HEY1: variants seen among roughly 807,000 people sequenced by gnomAD.
HEY1 encodes hes related family bHLH transcription factor with YRPW motif 1, also known as hairy/enhancer-of-split related with YRPW motif protein 1.
A neutral mutation model predicts 28.7 loss-of-function variants in HEY1; 9 were observed. The ratio of observed to expected loss-of-function variants is 0.31; its 90% CI spans 0.19 to 0.55. The LOEUF (loss-of-function observed/expected upper bound fraction) is 0.55. Ranked by LOEUF, HEY1 falls within the 20% of genes least tolerant of loss-of-function variation. The pLI is 0.93. For missense variants in HEY1, 385 were observed against 399.4 expected, an observed-to-expected ratio of 0.96 and a Z score of 0.31; for synonymous variants, 213 against 175.6, an observed-to-expected ratio of 1.21 and a Z score of -1.68.
Position 79,767,273 on chromosome 8 carries a change from AC to A in HEY1, c.110del (p.Gly37ValfsTer20). On this transcript the variant is annotated frameshift_variant, in exon 2 of 5. Coordinates refer to ENST00000354724, the MANE Select transcript of HEY1 (RefSeq NM_012258.4). LOFTEE classifies it high-confidence loss of function. ...DENGNLSSAL[G>X]SMSPTTSSQI... ...GGGAAGATGTAGTTGGGGACATGGA[AC>A]CTAGAGCCGAACTCAAGTTTCTGAA... 1 of 1,613,030 alleles carries A rather than the reference AC, an allele frequency of 6.2e-7. No individual in the cohort carries two copies.
rs1414789553 is a variant in HEY1, at chr8:79,764,560, C to T, written c.*628G>A. ...GGTCAGATGGATTCAGGGCCACCAA[C>T]AGTTTGTACATTCACCTTTCTGCTA... On this transcript the variant is annotated 3_prime_UTR_variant, in exon 5 of 5. Coordinates refer to ENST00000354724, the MANE Select transcript of HEY1 (RefSeq NM_012258.4). 2 of 226,820 alleles carry T rather than the reference C, an allele frequency of 8.8e-6. No homozygotes were observed. The allele number at this position is 226,820 out of a possible 1,614,324, so 14.1% of individuals were successfully genotyped here.
chr8:79,767,495 G>C lies in HEY1; in HGVS notation c.89+80C>G, dbSNP rs538625915. 5.7e-4 allele frequency: 799 copies of C among 1,403,972 alleles called. 1 individual carries two copies. The highest frequency in any genetic ancestry group is 7.4e-4 in the Admixed American group (39 of 52,856). The allele number at this position is 1,403,972 out of a possible 1,614,324, so 87.0% of individuals were successfully genotyped here. On this transcript the variant is annotated intron_variant, in intron 1 of 4. Coordinates refer to ENST00000354724, the MANE Select transcript of HEY1 (RefSeq NM_012258.4). ...AGCGCAGGGCACCGGCGCGCCAAGG[G>C]TCCTAGCCCGCTGTCACCGCGGCAG... is the stretch of plus-strand genomic sequence containing the variant.
chr8:79,765,818 C>A, intron 4 of HEY1, 47 bp from the exon 5 acceptor site: 1 of 1,523,344 alleles, frequency 6.6e-7, no homozygotes, highest in South Asian at 1.2e-5. Context: ...GCCCGTTTCC[C>A]TCATTTCTTA....
At chr8:79,766,222 T>G in intron 4 of HEY1, 2 of 1,535,208 alleles carry the variant, frequency 1.3e-6, no homozygotes, top group Middle Eastern at 1.7e-4. Context: ...CCGTTAGGTT[T>G]CCTTTACTTA....
rs1251238125 is a variant in HEY1, at chr8:79,767,310, G to A, written c.90-16C>T. On this transcript the variant is annotated splice_polypyrimidine_tract_variant and intron_variant, in intron 1 of 4. Transcript: ENST00000354724. ...ACTCAAGTTTCTGAAAAGAGAAAAAGAACAAACAAAAACTGAAATCGCCGT... is the reference window on the plus strand; with the variant it reads ...ACTCAAGTTTCTGAAAAGAGAAAAAAAACAAACAAAAACTGAAATCGCCGT... 1.2e-6 allele frequency: 2 copies of A among 1,606,050 alleles called. No individual in the cohort carries two copies. Among genetic ancestry groups the A allele is most frequent in the Non-Finnish European group, 8.5e-7 (1 of 1,175,288 alleles).
Position 79,764,697 on chromosome 8 carries a change from A to C in HEY1, c.*491T>G, listed in dbSNP as rs1807783879. 4.5e-6 allele frequency: 1 copy of C among 222,472 alleles called. No homozygotes were observed. The highest frequency in any genetic ancestry group is 6.6e-5 in the East Asian group (1 of 15,086). 13.8% of individuals were successfully genotyped at this position (222,472 alleles called of 1,614,324 possible). A position where few individuals can be genotyped will look rare whatever the true frequency, so the allele number is the denominator to read the frequency against. On this transcript the variant is annotated 3_prime_UTR_variant, in exon 5 of 5. Coordinates refer to ENST00000354724, the MANE Select transcript of HEY1 (RefSeq NM_012258.4). ...AATATAGTTCCCCTCCCCCCAAAAGAATATTATTTATACAACACCTTAATC... is the reference window on the plus strand; with the variant it reads ...AATATAGTTCCCCTCCCCCCAAAAGCATATTATTTATACAACACCTTAATC...
rs1338118831 is a variant in HEY1 at position 79,765,166 on chromosome 8, T to A, written c.*22A>T. ...CCAGCTGGGATTTTAAACTTTCCCC[T>A]CCCTCATTCTACATCAGTTCTTTAA... On this transcript the variant is annotated 3_prime_UTR_variant, in exon 5 of 5. Transcript: ENST00000354724. 9.4e-6 allele frequency: 14 copies of A among 1,491,426 alleles called. No homozygotes were observed. Among genetic ancestry groups the A allele is most frequent in the Non-Finnish European group, 9.0e-7 (1 of 1,107,830 alleles). 92.4% of individuals were successfully genotyped at this position (1,491,426 alleles called of 1,614,324 possible). A position where few individuals can be genotyped will look rare whatever the true frequency, so the allele number is the denominator to read the frequency against.
intron 4 of HEY1, chr8:79,766,386 T>C: frequency 6.9e-7 from 1 of 1,457,558 alleles, no homozygotes; most frequent in Non-Finnish European, 9.0e-7. Context: ...ATCAGGGCTG[T>C]CACAACTTTT....
Position 79,765,305 on chromosome 8 carries a change from G to C in HEY1, c.798C>G (p.Phe266Leu). ...ACAGTAAGTGGAAGGAGCCGAAAGA[G>C]AAGGGGAAGGCCGACAGGGAGGCCA... is the stretch of plus-strand genomic sequence containing the variant. Reference protein sequence around the residue: ...SSVASLSAFPFSFGSFHLLSP... With the variant: ...SSVASLSAFPLSFGSFHLLSP... The change falls in exon 5 of 5, where the codon TTC becomes TTG. Residue 266 changes from phenylalanine to leucine, a missense_variant. Physicochemically the swap from Phe to Leu is conservative, Grantham distance 22 (BLOSUM62 0). Transcript: ENST00000354724. 6.4e-7 allele frequency: 1 copy of C among 1,559,992 alleles called. No homozygotes were observed. Among genetic ancestry groups the C allele is most frequent in the Non-Finnish European group, 8.7e-7 (1 of 1,151,028 alleles).
intron 1 of HEY1, 25 bp downstream of exon 1, chr8:79,767,550 C>T (rs1433022476): frequency 3.2e-6 from 5 of 1,585,178 alleles, no homozygotes; most frequent in Non-Finnish European, 4.3e-6. Context: ...TCTGGCTCGG[C>T]TCCGCTCCGC....
In HEY1 at chr8:79,765,416, C is replaced by T. The variant is rs61755703; in HGVS notation, c.687G>A (p.Leu229=). ...LGSAHPEAPA[L]RAPPSGSLGP... ...CGAGGCTGCCGCTAGGGGGCGCTCG[C>T]AAAGCAGGCGCCTCCGGATGTGCCG... The change falls in exon 5 of 5, where the codon TTG becomes TTA. Residue 229 remains leucine (L), a synonymous_variant. Coordinates refer to ENST00000354724, the MANE Select transcript of HEY1 (RefSeq NM_012258.4). The T allele has an allele frequency of 3.2e-5, 52 of 1,610,660 alleles. No homozygotes were observed. Among genetic ancestry groups the T allele is most frequent in the Non-Finnish European group, 3.6e-5 (42 of 1,178,600 alleles).
rs1441305199 is a variant in HEY1 at position 79,765,386 on chromosome 8, C to G, written c.717G>C (p.Pro239=). The G allele has an allele frequency of 1.3e-6, 2 of 1,599,496 alleles. No individual in the cohort carries two copies. Among genetic ancestry groups the G allele is most frequent in the Non-Finnish European group, 1.7e-6 (2 of 1,173,226 alleles). Residue 239 remains proline, a synonymous_variant, in exon 5 of 5, where the codon CCG becomes CCC. Transcript: ENST00000354724. ...LRAPPSGSLG[P]VLPVVTSASK... ...AGGCGGAGGTGACCACAGGGAGCAC[C>G]GGTCCGAGGCTGCCGCTAGGGGGCG...
In HEY1 at chr8:79,765,451, T is replaced by A. The variant is rs955699112; in HGVS notation, c.652A>T (p.Arg218Trp). The A allele has an allele frequency of 6.2e-7, 1 of 1,613,030 alleles. No individual in the cohort carries two copies. Among genetic ancestry groups the A allele is most frequent in the Non-Finnish European group, 8.5e-7 (1 of 1,179,586 alleles). The change falls in exon 5 of 5, where the codon AGG (arginine) becomes TGG (tryptophan). Residue 218 changes from arginine (R) to tryptophan (W), a missense_variant. Around this residue, in one of 3 missense-constraint regions of HEY1, gnomAD observed 223 missense variants for 215.9 expected, o/e 1.03. Transcript: ENST00000354724. ...GCCTCCGGATGTGCCGAGCCCAGCC[T>A]GCCCTGGTGGTGCGGTTCCGTGGGT... ...ASPTEPHHQGRLGSAHPEAPA... is the reference protein window; with the variant it reads ...ASPTEPHHQGWLGSAHPEAPA...
rs971484911 is a variant in HEY1, at chr8:79,765,155, A to G, written c.*33T>C. 6.2e-6 allele frequency: 9 copies of G among 1,457,376 alleles called. No individual in the cohort carries two copies. In the African/African-American group the frequency reaches 1.1e-4, roughly 18 times the overall value. The allele number at this position is 1,457,376 out of a possible 1,614,324, so 90.3% of individuals were successfully genotyped here. A position where few individuals can be genotyped will look rare whatever the true frequency, so the allele number is the denominator to read the frequency against. On this transcript the variant is annotated 3_prime_UTR_variant, in exon 5 of 5. Coordinates refer to ENST00000354724, the MANE Select transcript of HEY1 (RefSeq NM_012258.4). Reference sequence around the variant, plus strand: ...AACAGTCCAGCCCAGCTGGGATTTTAAACTTTCCCCTCCCTCATTCTACAT... The same window carrying G: ...AACAGTCCAGCCCAGCTGGGATTTTGAACTTTCCCCTCCCTCATTCTACAT...
chr8:79,767,450 G>A (rs1807874149), intron 1 of HEY1, 125 bp downstream of exon 1: 11 of 1,146,076 alleles, frequency 9.6e-6, no homozygotes, highest in South Asian at 4.5e-5. Context: ...GCTGCCGCCA[G>A]CCTGCGACGC....
At position 79,767,310 on chromosome 8, in the gene HEY1, GAACA is replaced by G; in HGVS notation, c.90-20_90-17del. ...ACTCAAGTTTCTGAAAAGAGAAAAAGAACAAACAAAAACTGAAATCGCCGTTAAA... is the reference window on the plus strand; with the variant it reads ...ACTCAAGTTTCTGAAAAGAGAAAAAGAACAAAAACTGAAATCGCCGTTAAA... On this transcript the variant is annotated splice_polypyrimidine_tract_variant and intron_variant, in intron 1 of 4. Coordinates refer to ENST00000354724, the MANE Select transcript of HEY1 (RefSeq NM_012258.4). The G allele has an allele frequency of 1.9e-6, 3 of 1,606,050 alleles. No individual in the cohort carries two copies. Among genetic ancestry groups the G allele is most frequent in the Non-Finnish European group, 2.6e-6 (3 of 1,175,288 alleles).
At position 79,767,561 on chromosome 8, in the gene HEY1, C is replaced by T; in HGVS notation, c.89+14G>A. The T allele has an allele frequency of 1.3e-6, 2 of 1,594,424 alleles. No individual in the cohort carries two copies. Among genetic ancestry groups the T allele is most frequent in the South Asian group, 2.3e-5 (2 of 88,130 alleles). On this transcript the variant is annotated intron_variant, in intron 1 of 4. Transcript: ENST00000354724. ...CCGCTCTGGCTCGGCTCCGCTCCGC[C>T]GCCGCCAGCTCACCCATTCTCGTCC...
rs1429588402 is a variant in HEY1 at position 79,767,428 on chromosome 8, C to T, written c.90-134G>A. ...TTGGGCTGGAAGGCACCTAGGGGTT[C>T]CCTGGCCGCAGGCTGCCGCCAGCCT... On this transcript the variant is annotated intron_variant, in intron 1 of 4. Transcript: ENST00000354724. 26 of 1,126,906 alleles carry T rather than the reference C, an allele frequency of 2.3e-5. 1 individual carries two copies. Among genetic ancestry groups the T allele is most frequent in the Middle Eastern group, 2.7e-4 (1 of 3,730 alleles). The allele number at this position is 1,126,906 out of a possible 1,614,324, so 69.8% of individuals were successfully genotyped here. A position where few individuals can be genotyped will look rare whatever the true frequency, so the allele number is the denominator to read the frequency against.
In HEY1 at chr8:79,764,330, A is replaced by G. The variant is rs1297811945; in HGVS notation, c.*858T>C. The G allele has an allele frequency of 1.8e-5, 4 of 226,220 alleles. No individual in the cohort carries two copies. The highest frequency in any genetic ancestry group is 3.5e-5 in the Non-Finnish European group (4 of 113,868). 14.0% of individuals were successfully genotyped at this position (226,220 alleles called of 1,614,324 possible). A position where few individuals can be genotyped will look rare whatever the true frequency, so the allele number is the denominator to read the frequency against. On this transcript the variant is annotated 3_prime_UTR_variant, in exon 5 of 5. Coordinates refer to ENST00000354724, the MANE Select transcript of HEY1 (RefSeq NM_012258.4). Reference sequence around the variant, plus strand: ...CTACTCAATTGACCACTCGCACACCATGATCACTTATCCATGTTAACATTT... The same window carrying G: ...CTACTCAATTGACCACTCGCACACCGTGATCACTTATCCATGTTAACATTT...
Sources: gnomAD v4.1 joint callset for allele counts on GRCh38, gnomAD v4.1.1 for gene constraint, gnomAD v4.1.1 regional missense constraint, MANE v1.5 for transcripts, NCBI Gene and HGNC (gene_info 2026-07-23, HGNC 2026-07-21) for gene names.